The following MCTP1 variants were observed in gnomAD, a reference collection of about 807,000 sequenced individuals.
The protein encoded by MCTP1 is multiple C2 and transmembrane domain containing 1, also known as multiple C2 and transmembrane domain-containing protein 1.
Under a neutral mutation model 120.6 loss-of-function variants are expected in MCTP1, and 69 were observed. That is an observed-to-expected ratio of 0.57 (90% CI 0.47 to 0.70). The LOEUF (loss-of-function observed/expected upper bound fraction) is 0.70. Ranked by LOEUF, MCTP1 falls within the 30% of genes least tolerant of loss-of-function variation. The probability of loss-of-function intolerance (pLI) is 0.00; values close to 1 mark genes in which losing one functional copy is unlikely to be tolerated. For missense variants in MCTP1, 1,203 were observed against 1,248.8 expected, an observed-to-expected ratio of 0.96 and a Z score of 0.55; for synonymous variants, 529 against 493.1, an observed-to-expected ratio of 1.07 and a Z score of -0.96.
At chr5:94,888,845 A>G in intron 12 of MCTP1, 34 bp downstream of exon 12, 1 of 1,347,366 alleles carries the variant, frequency 7.4e-7, no homozygotes, top group Non-Finnish European at 1.1e-6. Flanking sequence ...GTGCTGCTTG[A>G]TCTGAGCAAT....
intron 1 of MCTP1, among the ~76,000 whole-genome samples, chr5:95,280,071 T>C (rs1316029203): frequency 6.6e-6 from 1 of 152,166 alleles, no homozygotes; most frequent in African/African-American, 2.4e-5. Flanking sequence ...ATCTGAAAAA[T>C]TGCAAAAATC....
intron 5 of MCTP1, among the ~76,000 whole-genome samples, 187 bp from the exon 6 acceptor site, chr5:94,932,178 C>G (rs1472279699): frequency 7.7e-6 from 1 of 129,590 alleles, no homozygotes; most frequent in African/African-American, 3.0e-5. Flanking sequence ...TTCCAGCAGT[C>G]TTTCTGGTGA....
At chr5:95,140,012 C>T (rs181841283) in intron 1 of MCTP1, among the ~76,000 whole-genome samples, 1 of 152,202 alleles carries the variant, frequency 6.6e-6, no homozygotes, top group Non-Finnish European at 1.5e-5. Context: ...CTCTTCCATG[C>T]TGGAATCCCC....
chr5:94,885,011 A>G (rs2153373346), intron 12 of MCTP1, among the ~76,000 whole-genome samples: 1 of 152,320 alleles, frequency 6.6e-6, no homozygotes, highest in South Asian at 2.1e-4. Flanking sequence ...TTAGAAAAAG[A>G]TACACTTATT....
chr5:94,721,686 A>G (rs1305666092), intron 19 of MCTP1, among the ~76,000 whole-genome samples: 2 of 152,148 alleles, frequency 1.3e-5, no homozygotes, highest in African/African-American at 4.8e-5. Context: ...TTGCATTCCA[A>G]TATTTCATAC....
intron 1 of MCTP1, among the ~76,000 whole-genome samples, chr5:95,283,463 G>A (rs1321314054): frequency 6.6e-6 from 1 of 152,152 alleles, no homozygotes; most frequent in Non-Finnish European, 1.5e-5. Flanking sequence ...GCTTCCAATG[G>A]TACCTCTCCA....
At chr5:94,957,793 A>G (rs1581569554) in intron 2 of MCTP1, among the ~76,000 whole-genome samples, 1 of 152,370 alleles carries the variant, frequency 6.6e-6, no homozygotes, top group East Asian at 1.9e-4. Context: ...ACCTACAAAG[A>G]GACTTAGACT....
chr5:95,042,130 C>G (rs767666544), intron 1 of MCTP1, among the ~76,000 whole-genome samples: 1 of 152,140 alleles, frequency 6.6e-6, no homozygotes, highest in Non-Finnish European at 1.5e-5. Flanking sequence ...TGAAAAGTCC[C>G]CAGTTATGTA....
intron 1 of MCTP1, among the ~76,000 whole-genome samples, chr5:95,262,784 T>C (rs1206337482): frequency 6.6e-6 from 1 of 152,108 alleles, no homozygotes; most frequent in Non-Finnish European, 1.5e-5. Context: ...AACTCTTCAA[T>C]AAATATTAAA....
At chr5:94,717,483 A>C (rs1759763664) in intron 19 of MCTP1, among the ~76,000 whole-genome samples, 1 of 152,158 alleles carries the variant, frequency 6.6e-6, no homozygotes, top group Non-Finnish European at 1.5e-5. Flanking sequence ...GCCCTCTCTC[A>C]TCACTCCTAT....
At chr5:94,887,642 C>T (rs1025921602) in intron 12 of MCTP1, among the ~76,000 whole-genome samples, 1 of 151,908 alleles carries the variant, frequency 6.6e-6, no homozygotes, top group Non-Finnish European at 1.5e-5. Flanking sequence ...GCAAATATTA[C>T]AAACTACCCA....
intron 19 of MCTP1, among the ~76,000 whole-genome samples, chr5:94,744,301 A>T (rs1284074671): frequency 1.3e-5 from 2 of 152,174 alleles, no homozygotes; most frequent in African/African-American, 4.8e-5. Flanking sequence ...ACTGTTTTAA[A>T]ATCCTGTCCA....
intron 17 of MCTP1, among the ~76,000 whole-genome samples, chr5:94,860,747 G>A (rs1795623195): frequency 6.6e-6 from 1 of 151,366 alleles, no homozygotes; most frequent in African/African-American, 2.4e-5. Context: ...TCTTGAGCTG[G>A]GGCGGGGGGG....
intron 1 of MCTP1, among the ~76,000 whole-genome samples, chr5:95,141,472 C>T (rs1470780718): frequency 6.6e-6 from 1 of 152,200 alleles, no homozygotes; most frequent in East Asian, 1.9e-4. Flanking sequence ...CTGACTCTGG[C>T]TCAATTTAGG....
At chr5:94,920,088 C>G (rs935006596) in intron 7 of MCTP1, among the ~76,000 whole-genome samples, 2 of 152,174 alleles carry the variant, frequency 1.3e-5, no homozygotes, top group African/African-American at 4.8e-5. Flanking sequence ...TTTTAACTAT[C>G]CTCTCTAACT....
At chr5:95,124,800 G>A (rs948660955) in intron 1 of MCTP1, among the ~76,000 whole-genome samples, 1 of 152,170 alleles carries the variant, frequency 6.6e-6, no homozygotes, top group African/African-American at 2.4e-5. Flanking sequence ...AATATAAAAA[G>A]TGGTTGGAGA....
chr5:94,962,905 T>C (rs1451859370), intron 2 of MCTP1, among the ~76,000 whole-genome samples: 2 of 152,036 alleles, frequency 1.3e-5, no homozygotes, highest in African/African-American at 2.4e-5. Context: ...TCTTTAAACT[T>C]GAAAAAAAGA....
intron 1 of MCTP1, among the ~76,000 whole-genome samples, chr5:95,115,122 C>T (rs1757723348): frequency 6.6e-6 from 1 of 152,074 alleles, no homozygotes; most frequent in African/African-American, 2.4e-5. Context: ...CACCCAAGTC[C>T]TTTCAAATAA....
intron 1 of MCTP1, among the ~76,000 whole-genome samples, chr5:95,277,057 C>A (rs899617630): frequency 6.6e-6 from 1 of 151,948 alleles, no homozygotes; most frequent in East Asian, 1.9e-4. Flanking sequence ...GAGCCAAGAT[C>A]CAGGCAGAAT....
Sources: gnomAD v4.1 joint callset for allele counts (sites outside exome capture counted in the v4.1 genomes callset) on GRCh38, gnomAD v4.1.1 for gene constraint, MANE v1.5 for transcripts, NCBI Gene and HGNC (gene_info 2026-07-23, HGNC 2026-07-21) for gene names.